The following NTNG1 variants were observed in gnomAD, a reference collection of about 807,000 sequenced individuals.
NTNG1 encodes the protein netrin G1.
In NTNG1, 16 loss-of-function variants were observed where a neutral mutation model predicts 54.0. The observed-to-expected ratio is 0.30, with a 90% CI of 0.20 to 0.45. NTNG1 has a LOEUF of 0.45. NTNG1 is among the 20% of genes least tolerant of loss of function. The pLI, the probability that NTNG1 is intolerant of heterozygous loss-of-function variation, is 1.00. For missense variants in NTNG1, 530 were observed against 678.7 expected, an observed-to-expected ratio of 0.78 and a Z score of 2.43; for synonymous variants, 255 against 263.1, an observed-to-expected ratio of 0.97 and a Z score of 0.30.
At chr1:107,160,227 G>A (rs1461072811) in intron 2 of NTNG1, among the ~76,000 whole-genome samples, 1 of 152,042 alleles carries the variant, frequency 6.6e-6, no homozygotes, top group Non-Finnish European at 1.5e-5. Context: ...TCTGCCTCTA[G>A]TATTTCCCAT....
At chr1:107,388,183 C>T (rs902692215) in intron 3 of NTNG1, among the ~76,000 whole-genome samples, 15 of 152,180 alleles carry the variant, frequency 9.9e-5, no homozygotes, top group Non-Finnish European at 2.1e-4. Flanking sequence ...ATGAATCAGA[C>T]AGCCCAAGTC....
intron 7 of NTNG1, among the ~76,000 whole-genome samples, chr1:107,439,393 C>T (rs1446574534): frequency 6.6e-6 from 1 of 151,728 alleles, no homozygotes; most frequent in Non-Finnish European, 1.5e-5. Context: ...CAAGCTAAGA[C>T]ATTTTATGTT....
intron 2 of NTNG1, among the ~76,000 whole-genome samples, chr1:107,201,977 A>G (rs981065696): frequency 1.3e-5 from 2 of 151,894 alleles, no homozygotes; most frequent in African/African-American, 4.8e-5. Flanking sequence ...ATTCTGTTAT[A>G]ATTATATAAT....
At chr1:107,477,727 AT>A (rs5776888) in intron 7 of NTNG1, among the ~76,000 whole-genome samples, 139,535 of 151,874 alleles carry the variant, frequency 0.92, 64,358 homozygotes, top group East Asian at 1. Context: ...TTTTTTGTAG[AT>A]TTTTTTTATA....
chr1:107,263,022 ACTT>A (rs149029973), intron 2 of NTNG1, among the ~76,000 whole-genome samples: 1,686 of 152,344 alleles, frequency 0.011, 22 homozygotes, highest in African/African-American at 0.038. Flanking sequence ...AAAGTTGGTC[ACTT>A]ACTCATGTGT....
At chr1:107,262,756 A>C (rs1014490025) in intron 2 of NTNG1, among the ~76,000 whole-genome samples, 7 of 152,240 alleles carry the variant, frequency 4.6e-5, no homozygotes, top group African/African-American at 1.4e-4. Context: ...AGACAAAGCA[A>C]ATGAAAAACA....
At chr1:107,200,200 T>C (rs1339345160) in intron 2 of NTNG1, among the ~76,000 whole-genome samples, 1 of 151,668 alleles carries the variant, frequency 6.6e-6, no homozygotes, top group African/African-American at 2.4e-5. Flanking sequence ...AATATTAACA[T>C]TCATTCATTT....
chr1:107,301,468 T>C (rs1226558074), intron 2 of NTNG1, among the ~76,000 whole-genome samples: 1 of 152,174 alleles, frequency 6.6e-6, no homozygotes, highest in Non-Finnish European at 1.5e-5. Context: ...TTCAAACCCA[T>C]CTAATGTGTA....
At chr1:107,215,702 G>A (rs1659906202) in intron 2 of NTNG1, among the ~76,000 whole-genome samples, 1 of 152,028 alleles carries the variant, frequency 6.6e-6, no homozygotes, top group East Asian at 1.9e-4. Flanking sequence ...GATGAGAATT[G>A]CAAGGAATTT....
At chr1:107,474,596 A>G (rs1346598791) in intron 7 of NTNG1, among the ~76,000 whole-genome samples, 1 of 152,230 alleles carries the variant, frequency 6.6e-6, no homozygotes, top group Non-Finnish European at 1.5e-5. Flanking sequence ...CACACTGGGT[A>G]ATTTATAATG....
chr1:107,155,162 T>TTTTTGTTTTG (rs1166119228), intron 2 of NTNG1, among the ~76,000 whole-genome samples: 1 of 152,010 alleles, frequency 6.6e-6, no homozygotes, highest in Non-Finnish European at 1.5e-5. Context: ...TTTTCTTTGA[T>TTTTTGTTTTG]TTTTGTTTTG....
intron 3 of NTNG1, among the ~76,000 whole-genome samples, chr1:107,351,664 G>C (rs1182791075): frequency 1.3e-5 from 2 of 151,994 alleles, no homozygotes; most frequent in African/African-American, 4.8e-5. Flanking sequence ...TCTGCCCCTG[G>C]CCCTTCCCAA....
chr1:107,385,581 T>C (rs1425093049), intron 3 of NTNG1, among the ~76,000 whole-genome samples: 1 of 150,676 alleles, frequency 6.6e-6, no homozygotes, highest in South Asian at 2.1e-4. Context: ...GCTAAAACTG[T>C]GCTGTTGTGA....
At chr1:107,193,133 T>A (rs2101213637) in intron 2 of NTNG1, among the ~76,000 whole-genome samples, 1 of 152,186 alleles carries the variant, frequency 6.6e-6, no homozygotes, top group Middle Eastern at 3.4e-3. Flanking sequence ...TTGTCTTCTC[T>A]CCTGGACAGT....
chr1:107,422,654 A>T (rs746457562), intron 5 of NTNG1, among the ~76,000 whole-genome samples: 1 of 152,164 alleles, frequency 6.6e-6, no homozygotes, highest in Non-Finnish European at 1.5e-5. Flanking sequence ...CTTAATTCCC[A>T]GAATCACTCC....
chr1:107,219,432 C>T (rs921002680), intron 2 of NTNG1, among the ~76,000 whole-genome samples: 5 of 152,132 alleles, frequency 3.3e-5, no homozygotes, highest in African/African-American at 7.2e-5. Context: ...GAGATTTCGT[C>T]GTGATTTGGA....
intron 3 of NTNG1, among the ~76,000 whole-genome samples, chr1:107,394,846 C>A (rs12754483): frequency 6.6e-6 from 1 of 152,004 alleles, no homozygotes; most frequent in South Asian, 2.1e-4. Context: ...TATTTTGGAA[C>A]CTGTTGGGAA....
chr1:107,240,246 T>C (rs1229889653), intron 2 of NTNG1, among the ~76,000 whole-genome samples: 2 of 152,172 alleles, frequency 1.3e-5, no homozygotes, highest in Non-Finnish European at 1.5e-5. Flanking sequence ...GTTTTAGGGA[T>C]GTTTATCCCT....
chr1:107,480,583 C>A, intron 7 of NTNG1, 28 bp from the exon 8 acceptor site: 3 of 744,728 alleles, frequency 4.0e-6, no homozygotes, highest in South Asian at 3.9e-5. Context: ...CGCGCCCACC[C>A]ACCCCTACCT....
Sources: gnomAD v4.1 joint callset for allele counts (sites outside exome capture counted in the v4.1 genomes callset) on GRCh38, gnomAD v4.1.1 for gene constraint, MANE v1.5 for transcripts, NCBI Gene and HGNC (gene_info 2026-07-23, HGNC 2026-07-21) for gene names.